Variants in SULT1C4 observed in about 807,000 individuals in gnomAD.
SULT1C4 encodes sulfotransferase family 1C member 4.
A neutral mutation model predicts 34.8 loss-of-function variants in SULT1C4; 32 were observed. The observed-to-expected ratio is 0.92, with a 90% CI of 0.69 to 1.23. The LOEUF (loss-of-function observed/expected upper bound fraction) is 1.23. SULT1C4 is among the 50% of genes most tolerant of loss of function. The pLI, the probability that SULT1C4 is intolerant of heterozygous loss-of-function variation, is 0.00. For missense variants in SULT1C4, 375 were observed against 365.9 expected (o/e 1.02, Z -0.20); for synonymous variants, 111 against 120.5 (o/e 0.92, Z 0.51).
chr2:108,382,691 G>T (rs922424629), intron 3 of SULT1C4: 2 of 521,822 alleles, frequency 3.8e-6, no homozygotes, highest in African/African-American at 1.9e-5. Context: ...ATCAGTTGAG[G>T]TCAGGGGTTC....
At chr2:108,384,723 C>T (rs1159488098) in intron 5 of SULT1C4, among the ~76,000 whole-genome samples, 1 of 152,192 alleles carries the variant, frequency 6.6e-6, no homozygotes, top group African/African-American at 2.4e-5. Flanking sequence ...GAGATAATAT[C>T]AGTGGATGTT....
intron 5 of SULT1C4, among the ~76,000 whole-genome samples, chr2:108,385,968 C>T (rs1678556382): frequency 6.6e-6 from 1 of 152,094 alleles, no homozygotes; most frequent in East Asian, 1.9e-4. Context: ...ACTAACCCTA[C>T]CCAGTTGATT....
At chr2:108,382,091 G>A in intron 2 of SULT1C4, 1 of 603,096 alleles carries the variant, frequency 1.7e-6, no homozygotes. Context: ...GTTAAATTTT[G>A]TTTCTCTAGT....
chr2:108,383,580 A>G, intron 5 of SULT1C4, 70 bp downstream of exon 5: 8 of 1,381,242 alleles, frequency 5.8e-6, no homozygotes, highest in Non-Finnish European at 6.9e-6. Context: ...CATTGACCCC[A>G]TCAGGGACTC....
At chr2:108,384,228 A>AT (rs200383152) in intron 5 of SULT1C4, among the ~76,000 whole-genome samples, 4 of 141,980 alleles carry the variant, frequency 2.8e-5, no homozygotes, top group African/African-American at 1.1e-4. Flanking sequence ...TTATTTATTT[A>AT]TTTATTTTAT....
At chr2:108,382,685 G>C in intron 3 of SULT1C4, 1 of 531,576 alleles carries the variant, frequency 1.9e-6, no homozygotes. Flanking sequence ...GGGTGGATCA[G>C]TTGAGGTCAG....
At chr2:108,378,872 T>C (rs894165695) in intron 1 of SULT1C4, among the ~76,000 whole-genome samples, 4 of 152,026 alleles carry the variant, frequency 2.6e-5, no homozygotes, top group African/African-American at 4.8e-5. Context: ...AGAAAGGTGA[T>C]CCTGAGTCTG....
chr2:108,378,534 G>A, intron 1 of SULT1C4, 28 bp downstream of exon 1: 2 of 1,606,874 alleles, frequency 1.2e-6, no homozygotes, highest in East Asian at 4.5e-5. Context: ...CAGGGGAAGG[G>A]GAAGAGGAGA....
rs142311160 is a variant in SULT1C4, at chr2:108,386,258, G to C, written c.682G>C (p.Asp228His). The change falls in exon 6 of 7, where the codon GAT becomes CAT. Residue 228 changes from aspartate to histidine, a missense_variant. Coordinates refer to ENST00000272452, the MANE Select transcript of SULT1C4 (RefSeq NM_006588.4). ...IGKKLDDKVLDKIVHYTSFDV... is the reference protein window; with the variant it reads ...IGKKLDDKVLHKIVHYTSFDV... ...GAAGAAATTAGATGACAAAGTTCTA[G>C]ATAAAATTGTCCATTACACTTCGTT... 1 of 1,575,022 alleles carries C rather than the reference G, an allele frequency of 6.3e-7. No individual in the cohort carries two copies. Among genetic ancestry groups the C allele is most frequent in the South Asian group, 1.2e-5 (1 of 82,726 alleles).
chr2:108,378,670 A>G (rs558655055), intron 1 of SULT1C4, among the ~76,000 whole-genome samples, 164 bp downstream of exon 1: 32 of 152,336 alleles, frequency 2.1e-4, no homozygotes, highest in African/African-American at 7.5e-4. Context: ...GAAACATACT[A>G]AAATGACATA....
At chr2:108,379,701 A>G (rs1573292747) in intron 1 of SULT1C4, among the ~76,000 whole-genome samples, 1 of 152,302 alleles carries the variant, frequency 6.6e-6, no homozygotes. Context: ...TACATTAATG[A>G]AGGCTATTTT....
At position 108,381,796 on chromosome 2, in the gene SULT1C4, A is replaced by G. The variant is rs41322445; in HGVS notation, c.204A>G (p.Ile68Met). The G allele has an allele frequency of 9.6e-6, 14 of 1,458,058 alleles. No homozygotes were observed. The African/African-American group carries it at 2.0e-4, about 21-fold the overall frequency. The allele number at this position is 1,458,058 out of a possible 1,614,324, so 90.3% of individuals were successfully genotyped here. A position where few individuals can be genotyped will look rare whatever the true frequency, so the allele number is the denominator to read the frequency against. ...TTWTQEIVEL[I>M]QNEGDVEKSK... The stretch of plus-strand genomic sequence containing the variant: ...GGACTCAGGAGATAGTGGAATTAAT[A>G]CAAAATGAAGGTGATGTGGAGAAAA... Residue 68 changes from isoleucine to methionine, a missense_variant, in exon 2 of 7, where the codon ATA becomes ATG. Ile to Met is a conservative substitution (Grantham distance 10). Coordinates refer to ENST00000272452, the MANE Select transcript of SULT1C4 (RefSeq NM_006588.4).
chr2:108,384,806 T>C (rs563475447), intron 5 of SULT1C4, among the ~76,000 whole-genome samples: 1 of 152,340 alleles, frequency 6.6e-6, no homozygotes, highest in Admixed American at 6.5e-5. Flanking sequence ...AGAATTACAG[T>C]GTCTGTTCTT....
chr2:108,380,973 G>A (rs751916686), intron 1 of SULT1C4, among the ~76,000 whole-genome samples: 7 of 152,132 alleles, frequency 4.6e-5, no homozygotes, highest in Admixed American at 1.3e-4. Flanking sequence ...AGAGAAAGGC[G>A]AAAAATTGAA....
chr2:108,383,045 A>AT, intron 3 of SULT1C4, 48 bp from the exon 4 acceptor site: 1 of 1,481,706 alleles, frequency 6.7e-7, no homozygotes, highest in Non-Finnish European at 8.9e-7. Flanking sequence ...AAAAAAAAAA[A>AT]TTCCTGTTTT....
intron 3 of SULT1C4, chr2:108,382,702 A>G: frequency 4.1e-6 from 2 of 490,462 alleles, no homozygotes; most frequent in Non-Finnish European, 7.2e-6. Flanking sequence ...TCAGGGGTTC[A>G]AGACCAGCCT....
In SULT1C4 at chr2:108,386,328, C is replaced by A; in HGVS notation, c.752C>A (p.Pro251His). ...CCAATGGCAAACTATTCATCGATTC[C>A]TGCTGAAATCATGGACCACTCCATT... ...QNPMANYSSI[P>H]AEIMDHSISP... Residue 251 changes from proline to histidine, a missense_variant, in exon 6 of 7, where the codon CCT becomes CAT. Physicochemically the swap from Pro to His is moderately conservative, Grantham distance 77. Transcript: ENST00000272452. 6.4e-7 allele frequency: 1 copy of A among 1,567,618 alleles called. No individual in the cohort carries two copies. Among genetic ancestry groups the A allele is most frequent in the Non-Finnish European group, 8.6e-7 (1 of 1,156,178 alleles).
intron 5 of SULT1C4, among the ~76,000 whole-genome samples, chr2:108,384,059 G>A (rs1678503721): frequency 6.6e-6 from 1 of 151,490 alleles, no homozygotes; most frequent in Admixed American, 6.6e-5. Context: ...AGTAGAAACC[G>A]GGTTTCACCA....
At position 108,383,178 on chromosome 2, in the gene SULT1C4, G is replaced by A. The variant is rs1451490598; in HGVS notation, c.479G>A (p.Gly160Glu). The A allele has an allele frequency of 6.2e-7, 1 of 1,613,056 alleles. No individual in the cohort carries two copies. Among genetic ancestry groups the A allele is most frequent in the South Asian group, 1.1e-5 (1 of 90,624 alleles). The change falls in exon 4 of 7, where the codon GGA becomes GAA. Residue 160 changes from glycine to glutamate, a missense_variant. Gly to Glu is a moderately conservative substitution (Grantham distance 98). Transcript: ENST00000272452. ...ATGAATAAAGCTCTTCCTGCTCCAG[G>A]AACATGGGAAGAGTATTTTGAGACT... ...QRMNKALPAP[G>E]TWEEYFETFL...
Sources: gnomAD v4.1 joint callset for allele counts (sites outside exome capture counted in the v4.1 genomes callset) on GRCh38, gnomAD v4.1.1 for gene constraint, MANE v1.5 for transcripts, NCBI Gene and HGNC (gene_info 2026-07-23, HGNC 2026-07-21) for gene names.